Variants in ITGBL1 observed in about 807,000 individuals in gnomAD.
The protein encoded by ITGBL1 is integrin beta-like protein 1.
ITGBL1 carries 51 observed loss-of-function variants against 68.5 expected under a neutral mutation model. The ratio of observed to expected loss-of-function variants is 0.74; its 90% confidence interval spans 0.59 to 0.94. The LOEUF (loss-of-function observed/expected upper bound fraction) is 0.94, where lower values mean the gene tolerates loss of function less well. Among genes scored for constraint, ITGBL1 ranks in the 40% least tolerant of loss-of-function variants. The pLI is 0.00. For synonymous variants in ITGBL1, 209 were observed against 227.3 expected (o/e 0.92, Z 0.72); for missense variants, 649 against 647.4 (o/e 1.00, Z -0.03).
chr13:101,571,076 C>G (rs1265371433), intron 3 of ITGBL1, among the ~76,000 whole-genome samples: 2 of 152,086 alleles, frequency 1.3e-5, no homozygotes, highest in Admixed American at 6.6e-5. Context: ...TGAATTTACA[C>G]CAGTGCATCT....
chr13:101,453,037 C>A, intron 1 of ITGBL1, 106 bp downstream of exon 1: 1 of 877,300 alleles, frequency 1.1e-6, no homozygotes. Context: ...TTAAATTGGA[C>A]AAGGGATAAA....
At chr13:101,510,035 T>C (rs1351225855) in intron 2 of ITGBL1, among the ~76,000 whole-genome samples, 1 of 152,134 alleles carries the variant, frequency 6.6e-6, no homozygotes, top group Non-Finnish European at 1.5e-5. Context: ...AATTAATTTA[T>C]CTTTTACTTT....
chr13:101,517,350 C>T (rs2049211571), intron 2 of ITGBL1, among the ~76,000 whole-genome samples: 1 of 152,060 alleles, frequency 6.6e-6, no homozygotes, highest in African/African-American at 2.4e-5. Flanking sequence ...ACTTTAAGAC[C>T]TCTCAAAAAA....
chr13:101,464,517 G>GTCTC (rs767252061), intron 2 of ITGBL1, among the ~76,000 whole-genome samples: 3 of 151,028 alleles, frequency 2.0e-5, no homozygotes, highest in Non-Finnish European at 4.4e-5. Flanking sequence ...CCCAGAGAGG[G>GTCTC]TCTCTCTCTC....
intron 7 of ITGBL1, among the ~76,000 whole-genome samples, chr13:101,604,887 T>TATATACACACACACACAC: frequency 9.0e-4 from 20 of 22,154 alleles, no homozygotes; most frequent in Non-Finnish European, 1.2e-3. Context: ...TATATATATA[T>TATATACACACACACACAC]ACACACACAC....
At chr13:101,593,773 G>A (rs184544773) in intron 6 of ITGBL1, among the ~76,000 whole-genome samples, 37 of 152,208 alleles carry the variant, frequency 2.4e-4, no homozygotes, top group Non-Finnish European at 4.1e-4. Context: ...GAAGATGGGA[G>A]GATAGGGAAA....
At chr13:101,666,693 T>G (rs2033227129) in intron 7 of ITGBL1, among the ~76,000 whole-genome samples, 2 of 152,186 alleles carry the variant, frequency 1.3e-5, no homozygotes. Context: ...ATGAACATCT[T>G]TTGAAAGCAA....
intron 2 of ITGBL1, among the ~76,000 whole-genome samples, chr13:101,551,686 T>C (rs2049923116): frequency 6.6e-6 from 1 of 152,224 alleles, no homozygotes; most frequent in Non-Finnish European, 1.5e-5. Flanking sequence ...TTTCTGTTTT[T>C]CATGCCATTT....
intron 7 of ITGBL1, among the ~76,000 whole-genome samples, chr13:101,663,837 A>G (rs2139484357): frequency 6.6e-6 from 1 of 152,308 alleles, no homozygotes. Flanking sequence ...AACAATTTAA[A>G]AACCATGAAA....
intron 6 of ITGBL1, among the ~76,000 whole-genome samples, chr13:101,594,326 T>C (rs2050706738): frequency 6.6e-6 from 1 of 151,962 alleles, no homozygotes; most frequent in Non-Finnish European, 1.5e-5. Flanking sequence ...GAACACACAA[T>C]AGGGAAAAGA....
intron 2 of ITGBL1, among the ~76,000 whole-genome samples, chr13:101,561,683 G>A (rs2050102732): frequency 6.6e-6 from 1 of 152,144 alleles, no homozygotes; most frequent in African/African-American, 2.4e-5. Flanking sequence ...TGGGGAAAAT[G>A]GAGAGACGTC....
chr13:101,558,847 A>G (rs189399502), intron 2 of ITGBL1, among the ~76,000 whole-genome samples: 10 of 152,308 alleles, frequency 6.6e-5, no homozygotes, highest in Admixed American at 1.3e-4. Context: ...GACATAATCT[A>G]TACTAACACC....
chr13:101,650,604 G>A (rs2032714516), intron 7 of ITGBL1, among the ~76,000 whole-genome samples: 1 of 150,914 alleles, frequency 6.6e-6, no homozygotes, highest in Admixed American at 6.6e-5. Flanking sequence ...TGCTGGCCAG[G>A]TGACTTCTTT....
intron 2 of ITGBL1, among the ~76,000 whole-genome samples, chr13:101,491,304 C>T (rs2048772651): frequency 6.6e-6 from 1 of 152,168 alleles, no homozygotes; most frequent in Non-Finnish European, 1.5e-5. Context: ...GACCCTCCTT[C>T]TCCCCGTTAC....
At chr13:101,543,704 G>A (rs539009110) in intron 2 of ITGBL1, among the ~76,000 whole-genome samples, 3 of 152,236 alleles carry the variant, frequency 2.0e-5, no homozygotes, top group East Asian at 1.9e-4. Context: ...CCAATCAGAC[G>A]CAGATTTGGG....
At chr13:101,668,501 A>G (rs1349645543) in intron 7 of ITGBL1, among the ~76,000 whole-genome samples, 1 of 152,144 alleles carries the variant, frequency 6.6e-6, no homozygotes, top group African/African-American at 2.4e-5. Flanking sequence ...AAACAGCTGT[A>G]TTTTCTGAGT....
intron 3 of ITGBL1, among the ~76,000 whole-genome samples, chr13:101,570,411 A>G (rs1358317311): frequency 1.3e-5 from 2 of 152,232 alleles, no homozygotes; most frequent in East Asian, 3.9e-4. Flanking sequence ...TCATCCACTT[A>G]TCCAAACAGC....
chr13:101,570,937 T>C (rs2050261763), intron 3 of ITGBL1, among the ~76,000 whole-genome samples: 1 of 152,180 alleles, frequency 6.6e-6, no homozygotes, highest in African/African-American at 2.4e-5. Flanking sequence ...TCTTTAGGCC[T>C]TGTCTCCATT....
chr13:101,511,713 T>C (rs1462136987), intron 2 of ITGBL1, among the ~76,000 whole-genome samples: 1 of 152,020 alleles, frequency 6.6e-6, no homozygotes, highest in African/African-American at 2.4e-5. Flanking sequence ...AAACAACCTG[T>C]GGTTGCTGGG....
Sources: allele counts gnomAD v4.1 joint callset (sites outside exome capture counted in the v4.1 genomes callset), GRCh38; gene constraint gnomAD v4.1.1; transcripts MANE v1.5; gene names NCBI Gene and HGNC (gene_info 2026-07-23, HGNC 2026-07-21).